Variants in AIM2 observed in about 807,000 individuals in gnomAD.
AIM2 encodes absent in melanoma 2.
In AIM2, 30 loss-of-function variants were observed where a neutral mutation model predicts 27.7. The observed-to-expected ratio is 1.08, with a 90% CI of 0.81 to 1.47. The LOEUF is 1.47. AIM2 is among the 40% of genes most tolerant of loss of function. The pLI, the probability that AIM2 is intolerant of heterozygous loss-of-function variation, is 0.00. For synonymous variants in AIM2, 141 were observed against 145.3 expected (o/e 0.97, Z 0.21); for missense variants, 358 against 411.3 (o/e 0.87, Z 1.12).
upstream of AIM2, among the ~76,000 whole-genome samples, chr1:159,145,034 G>C (rs981882616): frequency 8.5e-5 from 13 of 152,086 alleles, no homozygotes; most frequent in African/African-American, 3.1e-4. Flanking sequence ...TTCTAGAAGT[G>C]TTACCATATA....
At chr1:159,091,476 G>T (rs1657041780) in intron 1 of AIM2, among the ~76,000 whole-genome samples, 1 of 152,212 alleles carries the variant, frequency 6.6e-6, no homozygotes, top group Non-Finnish European at 1.5e-5. Flanking sequence ...AAACTCCTCT[G>T]ATTTCTGAAG....
intron 1 of AIM2, among the ~76,000 whole-genome samples, chr1:159,126,714 C>T (rs554110964): frequency 3.0e-4 from 45 of 151,448 alleles, no homozygotes; most frequent in African/African-American, 9.7e-4. Context: ...CTGGTGAAAC[C>T]GAACAGGAAT....
At chr1:159,135,966 C>T (rs143862085) in intron 1 of AIM2, among the ~76,000 whole-genome samples, 23 of 152,290 alleles carry the variant, frequency 1.5e-4, no homozygotes, top group Admixed American at 1.2e-3. Context: ...CGCCCTCATC[C>T]CAGGCTTTAA....
At chr1:159,135,916 C>T (rs540641262) in intron 1 of AIM2, among the ~76,000 whole-genome samples, 5 of 152,186 alleles carry the variant, frequency 3.3e-5, no homozygotes, top group Non-Finnish European at 7.3e-5. Flanking sequence ...CTAATTCCAT[C>T]TCTGTAGACA....
intron 1 of AIM2, among the ~76,000 whole-genome samples, chr1:159,137,210 G>A (rs1274745946): frequency 3.3e-5 from 5 of 152,192 alleles, no homozygotes; most frequent in Non-Finnish European, 7.3e-5. Context: ...TTGAAAATTT[G>A]ATGGAATAGT....
chr1:159,132,678 A>T (rs147369285), intron 1 of AIM2, among the ~76,000 whole-genome samples: 2 of 152,340 alleles, frequency 1.3e-5, no homozygotes, highest in African/African-American at 4.8e-5. Context: ...AGAATAGAGT[A>T]ACACCCTGTA....
At chr1:159,059,068 A>G (rs1040467495), downstream of AIM2, among the ~76,000 whole-genome samples, 1 of 152,210 alleles carries the variant, frequency 6.6e-6, no homozygotes, top group Non-Finnish European at 1.5e-5. Context: ...GCGAAGGTCC[A>G]AAGCTATCTA....
chr1:159,126,648 C>CAA (rs35354479), intron 1 of AIM2, among the ~76,000 whole-genome samples: 54,227 of 113,310 alleles, frequency 0.48, 14,737 homozygotes, highest in Non-Finnish European at 0.6. Context: ...GACTACGTCT[C>CAA]AAAAAAAAAA....
At chr1:159,106,819 G>C (rs1489131892) in intron 1 of AIM2, among the ~76,000 whole-genome samples, 1 of 152,216 alleles carries the variant, frequency 6.6e-6, no homozygotes, top group African/African-American at 2.4e-5. Flanking sequence ...AAAGTCCTTA[G>C]TTTCTCTGGG....
At position 159,073,525 on chromosome 1, in the gene AIM2, A is replaced by C. The variant is rs12075829; in HGVS notation, c.-20-6T>G. ...CTGACAACTTTGGGATCAGCCTATAAGGAATCCAAAACATGTAAGATTACA... is the reference window on the plus strand; with the variant it reads ...CTGACAACTTTGGGATCAGCCTATACGGAATCCAAAACATGTAAGATTACA... On this transcript the variant is annotated splice_region_variant and splice_polypyrimidine_tract_variant and intron_variant, in intron 1 of 5. Coordinates refer to ENST00000368130, the MANE Select transcript of AIM2 (RefSeq NM_004833.3). 2 of 1,599,318 alleles carry C rather than the reference A, an allele frequency of 1.3e-6. No individual in the cohort carries two copies. The highest frequency in any genetic ancestry group is 1.3e-5 in the African/African-American group (1 of 74,506).
At chr1:159,099,781 TA>T (rs1458529530) in intron 1 of AIM2, among the ~76,000 whole-genome samples, 11 of 152,082 alleles carry the variant, frequency 7.2e-5, no homozygotes, top group Non-Finnish European at 1.5e-4. Context: ...ACCTTGCCTG[TA>T]AAAACAAGAT....
chr1:159,065,563 T>C (rs1656047955), intron 4 of AIM2, among the ~76,000 whole-genome samples: 3 of 152,196 alleles, frequency 2.0e-5, no homozygotes, highest in Admixed American at 2.0e-4. Flanking sequence ...TTCACAACAA[T>C]AGTCACTTAA....
chr1:159,083,273 G>A (rs1402124108), intron 1 of AIM2, among the ~76,000 whole-genome samples: 1 of 152,166 alleles, frequency 6.6e-6, no homozygotes, highest in East Asian at 1.9e-4. Context: ...AAGATGTAGG[G>A]TTCCAACAAT....
intron 1 of AIM2, among the ~76,000 whole-genome samples, chr1:159,134,921 C>A (rs1647985205): frequency 6.6e-6 from 1 of 152,218 alleles, no homozygotes; most frequent in African/African-American, 2.4e-5. Flanking sequence ...TTATAGAAAG[C>A]CCTTTCCTTC....
upstream of AIM2, among the ~76,000 whole-genome samples, chr1:159,143,858 G>A (rs1648157815): frequency 6.6e-6 from 1 of 152,122 alleles, no homozygotes; most frequent in Non-Finnish European, 1.5e-5. Flanking sequence ...CTACTCTCGA[G>A]AATCCCATAG....
At chr1:159,096,280 GGCCT>G (rs1657178946) in intron 1 of AIM2, among the ~76,000 whole-genome samples, 1 of 152,170 alleles carries the variant, frequency 6.6e-6, no homozygotes, top group Non-Finnish European at 1.5e-5. Flanking sequence ...CTAGCTAGTT[GGCCT>G]TGGGAGGGTT....
intron 1 of AIM2, among the ~76,000 whole-genome samples, chr1:159,129,818 A>G (rs1647818850): frequency 6.6e-6 from 1 of 152,204 alleles, no homozygotes; most frequent in African/African-American, 2.4e-5. Flanking sequence ...TTCCATGAGC[A>G]TTTAAACATT....
chr1:159,093,733 C>CAG (rs57305983), intron 1 of AIM2, among the ~76,000 whole-genome samples: 4,894 of 143,876 alleles, frequency 0.034, 155 homozygotes, highest in African/African-American at 0.078. Context: ...TATATATATA[C>CAG]AGAGAGAGAG....
chr1:159,110,121 C>T (rs1268478375), intron 1 of AIM2, among the ~76,000 whole-genome samples: 1 of 152,162 alleles, frequency 6.6e-6, no homozygotes, highest in Non-Finnish European at 1.5e-5. Flanking sequence ...ATGTTTATAG[C>T]AGCACAATTT....
Sources: gnomAD v4.1 joint callset for allele counts (sites outside exome capture counted in the v4.1 genomes callset) on GRCh38, gnomAD v4.1.1 for gene constraint, MANE v1.5 for transcripts, NCBI Gene and HGNC (gene_info 2026-07-23, HGNC 2026-07-21) for gene names.